Variants in HACD2 observed in about 807,000 individuals in gnomAD.
HACD2 encodes 3-hydroxyacyl-CoA dehydratase 2.
HACD2 carries 15 observed loss-of-function variants against 31.0 expected under a neutral mutation model. The ratio of observed to expected loss-of-function variants is 0.48; its 90% CI spans 0.32 to 0.75. HACD2 has a LOEUF of 0.75. Ranked by LOEUF, HACD2 falls within the 30% of genes least tolerant of loss-of-function variation. HACD2 has a pLI of 0.03. For missense variants in HACD2, 283 were observed against 313.0 expected, an observed-to-expected ratio of 0.90 and a Z score of 0.72; for synonymous variants, 115 against 122.2, an observed-to-expected ratio of 0.94 and a Z score of 0.39.
Position 123,500,589 on chromosome 3 carries a change from C to T in HACD2, c.608G>A (p.Ser203Asn), listed in dbSNP as rs1314564712. 1 of 1,612,686 alleles carries T rather than the reference C, an allele frequency of 6.2e-7. No homozygotes were observed. Among genetic ancestry groups the T allele is most frequent in the Non-Finnish European group, 8.5e-7 (1 of 1,178,784 alleles). ...AGAGAAATTGTATTTGTTGGGTAAA[C>T]TGATGGAATATAGGCCAGCTTGTCT... ...FVRQAGLYSISLPNKYNFSFD... is the reference protein window; with the variant it reads ...FVRQAGLYSINLPNKYNFSFD... The change falls in exon 6 of 7, where the codon AGT becomes AAT. Residue 203 changes from serine (S) to asparagine (N), a missense_variant. Physicochemically the swap from Ser to Asn is conservative, Grantham distance 46. This residue lies in a region of HACD2 where 85 missense variants were observed against 129.6 expected (regional missense o/e 0.66). Transcript: ENST00000383657.
intron 2 of HACD2, among the ~76,000 whole-genome samples, chr3:123,571,259 G>A (rs115449227): frequency 0.025 from 3,783 of 152,250 alleles, 161 homozygotes; most frequent in African/African-American, 0.082. Context: ...TTCTTAAGGC[G>A]ATCCCCCACA....
rs1300804183 is a variant in HACD2 at position 123,560,613 on chromosome 3, A to G, written c.292+7149T>C. ...TCTGAATAAGAAATGTTTGTTATCC[A>G]TATTTGTGACAGGGGTCCCGGTAAG... is the stretch of plus-strand genomic sequence containing the variant. On this transcript the variant is annotated intron_variant, in intron 3 of 6. Coordinates refer to ENST00000383657, the MANE Select transcript of HACD2 (RefSeq NM_198402.5). Among the ~76,000 whole-genome samples the G allele has an allele frequency of 3.9e-5, 6 of 152,298 alleles. No homozygotes were observed. The South Asian group carries it at 6.2e-4, about 16-fold the overall frequency.
intron 2 of HACD2, among the ~76,000 whole-genome samples, chr3:123,577,478 G>A (rs563986041): frequency 6.6e-5 from 10 of 151,962 alleles, no homozygotes; most frequent in African/African-American, 2.4e-4. Flanking sequence ...AAAATTAGCC[G>A]GGTGTGGTGG....
intron 4 of HACD2, among the ~76,000 whole-genome samples, chr3:123,516,002 C>T (rs762823712): frequency 7.2e-5 from 11 of 152,032 alleles, no homozygotes; most frequent in Admixed American, 5.2e-4. Context: ...TTAAGTGATC[C>T]GCCCTCCTTG....
intron 2 of HACD2, among the ~76,000 whole-genome samples, chr3:123,577,143 G>A (rs1457637185): frequency 6.6e-6 from 1 of 152,140 alleles, no homozygotes; most frequent in African/African-American, 2.4e-5. Context: ...GGGAAGAAAA[G>A]GGAATTCCTG....
intron 1 of HACD2, among the ~76,000 whole-genome samples, chr3:123,584,045 CA>C (rs1364028464): frequency 6.6e-6 from 1 of 152,124 alleles, no homozygotes; most frequent in Non-Finnish European, 1.5e-5. Context: ...TCCTCCTCAC[CA>C]AAATGACAAG....
chr3:123,567,536 C>T (rs2056804719), intron 3 of HACD2, among the ~76,000 whole-genome samples: 1 of 152,154 alleles, frequency 6.6e-6, no homozygotes, highest in South Asian at 2.1e-4. Flanking sequence ...TTTAAATTAA[C>T]AGAACAAAAT....
At chr3:123,564,640 G>A (rs1035206073) in intron 3 of HACD2, among the ~76,000 whole-genome samples, 11 of 152,148 alleles carry the variant, frequency 7.2e-5, no homozygotes, top group Admixed American at 5.2e-4. Flanking sequence ...TTCAGGTATC[G>A]ATGGGCATGA....
chr3:123,529,424 T>C (rs940108598), intron 3 of HACD2, among the ~76,000 whole-genome samples: 8 of 152,100 alleles, frequency 5.3e-5, no homozygotes, highest in Non-Finnish European at 1.2e-4. Context: ...TTAACAAAGC[T>C]GTTACTAAAA....
chr3:123,542,157 A>AAAAAAAAAAAAAAAAAAAC (rs2056500212), intron 3 of HACD2, among the ~76,000 whole-genome samples: 1 of 148,378 alleles, frequency 6.7e-6, no homozygotes, highest in Non-Finnish European at 1.5e-5. Context: ...AAAAAAAAAA[A>AAAAAAAAAAAAAAAAAAAC]AAAAAAAAAA....
chr3:123,571,843 C>T (rs1422537189), intron 2 of HACD2, among the ~76,000 whole-genome samples: 1 of 152,176 alleles, frequency 6.6e-6, no homozygotes, highest in Non-Finnish European at 1.5e-5. Flanking sequence ...ACTAAGACCA[C>T]AACCTTCTTC....
At chr3:123,517,795 G>C (rs1014540390) in intron 4 of HACD2, among the ~76,000 whole-genome samples, 1 of 152,102 alleles carries the variant, frequency 6.6e-6, no homozygotes, top group East Asian at 1.9e-4. Flanking sequence ...ATTTCAAAAG[G>C]TGGGGAAAAA....
At position 123,493,563 on chromosome 3, in the gene HACD2, C is replaced by A. The variant is rs2055792709; in HGVS notation, c.*1325G>T. 1 of 152,212 alleles carries A rather than the reference C, an allele frequency of 6.6e-6. No individual in the cohort carries two copies. The highest frequency in any genetic ancestry group is 6.5e-5 in the Admixed American group (1 of 15,280). The allele number at this position is 152,212 out of a possible 1,614,324, so 9.4% of individuals were successfully genotyped here. On this transcript the variant is annotated 3_prime_UTR_variant, in exon 7 of 7. Coordinates refer to ENST00000383657, the MANE Select transcript of HACD2 (RefSeq NM_198402.5). ...ATACTGTGCTATTTAATACTTAATG[C>A]ACATCTAAACTTGGGCTTTCACATT...
At chr3:123,500,165 C>T (rs990955163) in intron 6 of HACD2, among the ~76,000 whole-genome samples, 1 of 152,118 alleles carries the variant, frequency 6.6e-6, no homozygotes, top group Non-Finnish European at 1.5e-5. Flanking sequence ...CTGTAACAAG[C>T]AGTTCTTAAG....
At chr3:123,511,206 C>A (rs567776789) in intron 4 of HACD2, among the ~76,000 whole-genome samples, 1 of 152,020 alleles carries the variant, frequency 6.6e-6, no homozygotes, top group Admixed American at 6.6e-5. Flanking sequence ...TACTATATGC[C>A]AAGCACTTTT....
intron 3 of HACD2, among the ~76,000 whole-genome samples, chr3:123,562,611 G>C (rs1383576899): frequency 6.6e-6 from 1 of 152,136 alleles, no homozygotes; most frequent in Non-Finnish European, 1.5e-5. Flanking sequence ...ATATTGTGCT[G>C]AGTGTTCTTC....
Position 123,567,744 on chromosome 3 carries a change from G to A in HACD2, c.292+18C>T, listed in dbSNP as rs778299022. ...GCAGAATTCACTGTACATAGTAGGGGGGAATATCCATACTTACCTATAGCA... is the reference window on the plus strand; with the variant it reads ...GCAGAATTCACTGTACATAGTAGGGAGGAATATCCATACTTACCTATAGCA... On this transcript the variant is annotated intron_variant, in intron 3 of 6. Transcript: ENST00000383657. 1 of 1,440,314 alleles carries A rather than the reference G, an allele frequency of 6.9e-7. No homozygotes were observed. Among genetic ancestry groups the A allele is most frequent in the South Asian group, 1.4e-5 (1 of 69,294 alleles). 89.2% of individuals were successfully genotyped at this position (1,440,314 alleles called of 1,614,324 possible). A position where few individuals can be genotyped will look rare whatever the true frequency, so the allele number is the denominator to read the frequency against.
At chr3:123,574,633 T>C (rs1262070863) in intron 2 of HACD2, among the ~76,000 whole-genome samples, 3 of 152,114 alleles carry the variant, frequency 2.0e-5, no homozygotes, top group Non-Finnish European at 4.4e-5. Context: ...TCCTCATTCA[T>C]CTTGTTTTCA....
At chr3:123,544,372 G>A (rs1465126368) in intron 3 of HACD2, among the ~76,000 whole-genome samples, 2 of 152,064 alleles carry the variant, frequency 1.3e-5, no homozygotes, top group Non-Finnish European at 2.9e-5. Flanking sequence ...GAATGTTCAG[G>A]TACAAGAAGA....
Sources: gnomAD v4.1 joint callset for allele counts (sites outside exome capture counted in the v4.1 genomes callset) on GRCh38, gnomAD v4.1.1 for gene constraint, gnomAD v4.1.1 regional missense constraint, MANE v1.5 for transcripts, NCBI Gene and HGNC (gene_info 2026-07-23, HGNC 2026-07-21) for gene names.